TMEM40: variants seen among roughly 807,000 people sequenced by gnomAD.
TMEM40 encodes the protein transmembrane protein 40.
TMEM40 carries 34 observed loss-of-function variants against 40.8 expected under a neutral mutation model. The ratio of observed to expected loss-of-function variants is 0.83; its 90% CI spans 0.63 to 1.11. The LOEUF (loss-of-function observed/expected upper bound fraction) is 1.11. TMEM40 is among the 50% of genes least tolerant of loss of function. TMEM40 has a pLI of 0.00. For synonymous variants in TMEM40, 106 were observed against 107.0 expected, an observed-to-expected ratio of 0.99 and a Z score of 0.06; for missense variants, 296 against 280.2, an observed-to-expected ratio of 1.06 and a Z score of -0.40.
chr3:12,738,316 T>C, intron 6 of TMEM40, 148 bp from the exon 7 acceptor site: 4 of 1,034,894 alleles, frequency 3.9e-6, no homozygotes, highest in Non-Finnish European at 5.8e-6. Context: ...TATTGATGGC[T>C]GGTTGGTTGT....
chr3:12,743,082 T>C (rs368451278), intron 4 of TMEM40, among the ~76,000 whole-genome samples: 1 of 152,228 alleles, frequency 6.6e-6, no homozygotes, highest in Non-Finnish European at 1.5e-5. Flanking sequence ...TTCTGTACTA[T>C]ACAATAATTC....
chr3:12,738,233 C>A, intron 6 of TMEM40, 65 bp from the exon 7 acceptor site: 1 of 1,588,352 alleles, frequency 6.3e-7, no homozygotes, highest in Non-Finnish European at 8.6e-7. Flanking sequence ...GTGCCTCCAC[C>A]CTGGGGAAGG....
chr3:12,751,312 G>A (rs576974578), intron 1 of TMEM40, among the ~76,000 whole-genome samples: 3 of 148,638 alleles, frequency 2.0e-5, no homozygotes, highest in South Asian at 2.2e-4. Context: ...ATGGAGTCTC[G>A]CTTCTGTCGC....
intron 2 of TMEM40, among the ~76,000 whole-genome samples, chr3:12,749,256 C>A (rs1040224743): frequency 6.6e-6 from 1 of 152,150 alleles, no homozygotes; most frequent in Admixed American, 6.5e-5. Flanking sequence ...GATCTCCTGA[C>A]CTTCTGATCT....
intron 1 of TMEM40, among the ~76,000 whole-genome samples, chr3:12,768,551 G>A (rs1250096716): frequency 6.6e-6 from 1 of 152,082 alleles, no homozygotes; most frequent in Non-Finnish European, 1.5e-5. Context: ...CACCAGATTA[G>A]CTAGATACAG....
rs1559533153 is a variant in TMEM40, at chr3:12,755,192, TTCCTTC to T, written c.-9+3993_-9+3998del. On this transcript the variant is annotated intron_variant, in intron 1 of 11. Transcript: ENST00000314124. ...TCTTTCTCTCTCTCTCCTTCCTTCCTTCCTTCCTTTCTTTCTTTCTTTCTCTCTCTC... is the reference window on the plus strand; with the variant it reads ...TCTTTCTCTCTCTCTCCTTCCTTCCTCTTTCTTTCTTTCTTTCTCTCTCTC... 3.9e-4 allele frequency among the ~76,000 whole-genome samples: 38 copies of T among 98,110 alleles called. 1 individual carries two copies. Among genetic ancestry groups the T allele is most frequent in the African/African-American group, 1.6e-3 (35 of 21,392 alleles). The allele number at this position is 98,110 out of a possible 152,430, so 64.4% of individuals were successfully genotyped here.
rs745624925 is a variant in TMEM40, at chr3:12,749,758, A to G, written c.73+2T>C. 1.5e-5 allele frequency: 24 copies of G among 1,613,326 alleles called. No individual in the cohort carries two copies. The highest frequency in any genetic ancestry group is 1.6e-5 in the Non-Finnish European group (19 of 1,179,876). On this transcript the variant is annotated splice_donor_variant, in intron 2 of 11. Transcript: ENST00000314124. LOFTEE classifies it high-confidence loss of function. ...CCAGAGGGTCAGAGAAGGCAAACGTACAGTCTACATCTTCTGTTTCTCTGT... is the reference window on the plus strand; with the variant it reads ...CCAGAGGGTCAGAGAAGGCAAACGTGCAGTCTACATCTTCTGTTTCTCTGT...
intron 10 of TMEM40, 122 bp downstream of exon 10, chr3:12,736,456 T>G: frequency 7.6e-7 from 1 of 1,317,648 alleles, no homozygotes; most frequent in South Asian, 1.4e-5. Flanking sequence ...GGCCAGAAAA[T>G]TTTTTTAAAA....
intron 3 of TMEM40, among the ~76,000 whole-genome samples, chr3:12,747,569 GA>G (rs2061438965): frequency 6.6e-6 from 1 of 152,058 alleles, no homozygotes; most frequent in Admixed American, 6.6e-5. Context: ...ACAAATGAAA[GA>G]ACATTCTGCT....
At position 12,734,723 on chromosome 3, in the gene TMEM40, G is replaced by T; in HGVS notation, c.*51C>A. 1 of 1,570,056 alleles carries T rather than the reference G, an allele frequency of 6.4e-7. No homozygotes were observed. On this transcript the variant is annotated 3_prime_UTR_variant, in exon 12 of 12. Transcript: ENST00000314124. ...CTCTGCCCTTGTGGGCTCAGGGGTC[G>T]CAGTGGTGGTCACACTGGGGCCTGC... is the stretch of plus-strand genomic sequence containing the variant.
chr3:12,739,067 C>A (rs909808290), intron 5 of TMEM40: 1 of 160,542 alleles, frequency 6.2e-6, no homozygotes, highest in Non-Finnish European at 1.4e-5. Context: ...ACAGGATAAT[C>A]GCTCAAACCC....
At chr3:12,737,331 G>A (rs902450911) in intron 8 of TMEM40, among the ~76,000 whole-genome samples, 9 of 151,916 alleles carry the variant, frequency 5.9e-5, no homozygotes, top group Non-Finnish European at 7.4e-5. Flanking sequence ...TCCGATTCTG[G>A]TCTAATCTAA....
chr3:12,768,148 GGTGA>G (rs2061603065), intron 1 of TMEM40, among the ~76,000 whole-genome samples: 1 of 152,070 alleles, frequency 6.6e-6, no homozygotes, highest in South Asian at 2.1e-4. Flanking sequence ...AGACCTTCGC[GGTGA>G]GTGTTATAGC....
chr3:12,735,180 A>G (rs2061328728), intron 11 of TMEM40, among the ~76,000 whole-genome samples: 1 of 151,968 alleles, frequency 6.6e-6, no homozygotes, highest in South Asian at 2.1e-4. Context: ...GCTAAAGCCT[A>G]CCTCCCCAGT....
intron 5 of TMEM40, among the ~76,000 whole-genome samples, chr3:12,740,585 C>T (rs895295978): frequency 2.7e-5 from 4 of 148,792 alleles, no homozygotes; most frequent in African/African-American, 7.4e-5. Flanking sequence ...GGGCCAGGTG[C>T]GATGCTTCAC....
intron 1 of TMEM40, among the ~76,000 whole-genome samples, chr3:12,754,295 G>T (rs9310409): frequency 2.0e-5 from 3 of 151,024 alleles, no homozygotes; most frequent in African/African-American, 7.3e-5. Flanking sequence ...CTGGGCGACA[G>T]AGCACGATTC....
exon 1 of TMEM40, chr3:12,769,367 A>G: frequency 4.1e-6 from 1 of 243,014 alleles, no homozygotes; most frequent in Admixed American, 4.3e-5. Flanking sequence ...GCCGAGGCTG[A>G]GGAGGCACCA....
At chr3:12,744,330 G>A (rs115718559) in intron 3 of TMEM40, among the ~76,000 whole-genome samples, 5,143 of 152,228 alleles carry the variant, frequency 0.034, 127 homozygotes, top group Non-Finnish European at 0.048. Flanking sequence ...TGTCATCTCT[G>A]TTTCCCCACC....
At chr3:12,754,755 A>C (rs2061506244) in intron 1 of TMEM40, among the ~76,000 whole-genome samples, 1 of 152,094 alleles carries the variant, frequency 6.6e-6, no homozygotes, top group Non-Finnish European at 1.5e-5. Flanking sequence ...GGAGCAGGGC[A>C]CTTGACCTAG....
Sources: gnomAD v4.1 joint callset for allele counts (sites outside exome capture counted in the v4.1 genomes callset) on GRCh38, gnomAD v4.1.1 for gene constraint, MANE v1.5 for transcripts, NCBI Gene and HGNC (gene_info 2026-07-23, HGNC 2026-07-21) for gene names.